PLSCR2: variants seen among roughly 807,000 people sequenced by gnomAD.
PLSCR2 encodes the protein PL scramblase 2.
Under a neutral mutation model 25.3 loss-of-function variants are expected in PLSCR2, and 18 were observed. The observed-to-expected ratio is 0.71, with a 90% CI of 0.49 to 1.06. PLSCR2 has a LOEUF of 1.06. Ranked by LOEUF, PLSCR2 falls within the 50% of genes least tolerant of loss-of-function variation. PLSCR2 has a pLI of 0.00. For synonymous variants in PLSCR2, 88 were observed against 87.3 expected, an observed-to-expected ratio of 1.01 and a Z score of -0.04; for missense variants, 243 against 269.5, an observed-to-expected ratio of 0.90 and a Z score of 0.69.
At position 146,441,806 on chromosome 3, in the gene PLSCR2, C is replaced by CA; in HGVS notation, c.660dup (p.Glu221Ter). ...CATTCCAGTCATTACCTAGTTCTTT[C>CA]AAAAAACATGTAGTCCTGGATAAAA... On this transcript the variant is annotated frameshift_variant, in exon 7 of 7. Coordinates refer to ENST00000610787, the Ensembl canonical transcript of PLSCR2. LOFTEE classifies it high-confidence loss of function. The CA allele has an allele frequency of 6.3e-6, 10 of 1,590,428 alleles. No homozygotes were observed. Among genetic ancestry groups the CA allele is most frequent in the Non-Finnish European group, 8.6e-6 (10 of 1,164,628 alleles).
intron 2 of PLSCR2, among the ~76,000 whole-genome samples, chr3:146,425,521 T>C (rs1477001399): frequency 2.6e-5 from 4 of 152,192 alleles, no homozygotes; most frequent in Non-Finnish European, 1.5e-5. Context: ...GTGGCAACTG[T>C]ATCTGGAAGT....
At chr3:146,460,183 G>C (rs1037790256) in exon 1 of PLSCR2, 5 of 1,401,756 alleles carry the variant, frequency 3.6e-6, no homozygotes, top group African/African-American at 2.9e-5. Context: ...TCTCAGCTCA[G>C]AAGTCCTATA....
At chr3:146,486,428 C>T (rs1287145932) in intron 1 of PLSCR2, among the ~76,000 whole-genome samples, 1 of 146,026 alleles carries the variant, frequency 6.8e-6, no homozygotes, top group Admixed American at 6.8e-5. Context: ...GCTAGCTAGA[C>T]TAATAAAGAA....
chr3:146,495,965 T>C, upstream of PLSCR2: 1 of 1,511,572 alleles, frequency 6.6e-7, no homozygotes, highest in Non-Finnish European at 8.9e-7. Flanking sequence ...GAATTATTGC[T>C]AGGAAGAATC....
chr3:146,449,410 CTT>C, intron 5 of PLSCR2, 43 bp from the exon 6 acceptor site: 1 of 1,396,584 alleles, frequency 7.2e-7, no homozygotes, highest in Non-Finnish European at 9.8e-7. Context: ...TTCTAGAAAA[CTT>C]ATAGCAAAAT....
chr3:146,483,479 G>GTATATA (rs56655616), intron 1 of PLSCR2, among the ~76,000 whole-genome samples: 4,495 of 54,568 alleles, frequency 0.082, 249 homozygotes, highest in South Asian at 0.12. Flanking sequence ...ATATACATGT[G>GTATATA]TATATATATA....
intron 5 of PLSCR2, among the ~76,000 whole-genome samples, chr3:146,450,645 T>C (rs560523919): frequency 6.6e-6 from 1 of 152,394 alleles, no homozygotes; most frequent in South Asian, 2.1e-4. Flanking sequence ...AGGTAGCCTC[T>C]GCTGCTACAT....
chr3:146,410,817 G>A (rs1340070788), intron 2 of PLSCR2, among the ~76,000 whole-genome samples: 2 of 152,320 alleles, frequency 1.3e-5, no homozygotes, highest in Non-Finnish European at 1.5e-5. Context: ...GGGGTCCCAT[G>A]ATGGGATCAT....
chr3:146,425,187 C>G (rs1382798855), intron 2 of PLSCR2, among the ~76,000 whole-genome samples: 1 of 151,990 alleles, frequency 6.6e-6, no homozygotes, highest in East Asian at 1.9e-4. Flanking sequence ...GTGAAGACTC[C>G]AGCAAGGGAT....
At chr3:146,486,824 C>A (rs75796661) in intron 1 of PLSCR2, among the ~76,000 whole-genome samples, 2 of 152,032 alleles carry the variant, frequency 1.3e-5, no homozygotes, top group African/African-American at 2.4e-5. Flanking sequence ...TAGGAGGCAG[C>A]GTAACCCTGA....
chr3:146,412,931 T>C (rs1364437115), intron 2 of PLSCR2, among the ~76,000 whole-genome samples: 1 of 152,114 alleles, frequency 6.6e-6, no homozygotes, highest in African/African-American at 2.4e-5. Flanking sequence ...CGAACAGATG[T>C]GAACTACTGA....
chr3:146,402,512 G>C (rs766941474), intron 2 of PLSCR2, among the ~76,000 whole-genome samples: 1 of 151,864 alleles, frequency 6.6e-6, no homozygotes, highest in Non-Finnish European at 1.5e-5. Context: ...CTGTTGCCCA[G>C]GCTGGAGTGC....
downstream of PLSCR2, among the ~76,000 whole-genome samples, chr3:146,430,497 C>A (rs2039508574): frequency 2.0e-5 from 3 of 152,098 alleles, no homozygotes; most frequent in South Asian, 6.2e-4. Flanking sequence ...CTTAATTGTG[C>A]CCAGAGACAT....
chr3:146,396,160 AC>A (rs549608431), intron 2 of PLSCR2, among the ~76,000 whole-genome samples: 82 of 152,326 alleles, frequency 5.4e-4, no homozygotes, highest in African/African-American at 1.9e-3. Context: ...GTCTATGTAT[AC>A]ACACGTATAC....
At chr3:146,434,610 TAGAAG>T (rs1214851534) in intron 8 of PLSCR2, among the ~76,000 whole-genome samples, 1 of 152,112 alleles carries the variant, frequency 6.6e-6, no homozygotes, top group East Asian at 1.9e-4. Flanking sequence ...AAAATAAAAT[TAGAAG>T]AGAAAATTCA....
intron 6 of PLSCR2, among the ~76,000 whole-genome samples, chr3:146,446,198 T>C (rs2040546150): frequency 6.6e-6 from 1 of 152,190 alleles, no homozygotes; most frequent in Non-Finnish European, 1.5e-5. Context: ...CTGGATGGTC[T>C]TGATGTTTGT....
chr3:146,443,693 T>A (rs2040381372), intron 6 of PLSCR2, among the ~76,000 whole-genome samples: 1 of 151,994 alleles, frequency 6.6e-6, no homozygotes, highest in African/African-American at 2.4e-5. Context: ...ATTTGGCTTA[T>A]CTTTCCAAAA....
chr3:146,408,974 T>A (rs2038751123), intron 2 of PLSCR2, among the ~76,000 whole-genome samples: 1 of 152,092 alleles, frequency 6.6e-6, no homozygotes, highest in South Asian at 2.1e-4. Flanking sequence ...TTTTGGCCTC[T>A]CTTCGGATAC....
At chr3:146,433,287 C>G (rs183964838), downstream of PLSCR2, 7 of 152,034 alleles carry the variant, frequency 4.6e-5, no homozygotes, top group African/African-American at 1.7e-4. Context: ...TCAAATTAAG[C>G]CTTTTTTGCA....
Sources: gnomAD v4.1 joint callset for allele counts (sites outside exome capture counted in the v4.1 genomes callset) on GRCh38, gnomAD v4.1.1 for gene constraint, MANE v1.5 for transcripts, NCBI Gene and HGNC (gene_info 2026-07-23, HGNC 2026-07-21) for gene names.